The following DPP6 variants were observed in gnomAD, a reference collection of about 807,000 sequenced individuals.
The protein encoded by DPP6 is dipeptidyl peptidase like 6.
Under a neutral mutation model 122.6 loss-of-function variants are expected in DPP6, and 69 were observed. That is an observed-to-expected ratio of 0.56 (90% CI 0.46 to 0.69). The LOEUF is 0.69. DPP6 is among the 30% of genes least tolerant of loss of function. The probability of loss-of-function intolerance (pLI) is 0.00; values close to 1 mark genes in which losing one functional copy is unlikely to be tolerated. For missense variants in DPP6, 928 were observed against 1,116.9 expected (o/e 0.83, Z 2.41); for synonymous variants, 418 against 433.1 (o/e 0.97, Z 0.43).
At chr7:154,397,907 C>T (rs1477908152) in intron 1 of DPP6, among the ~76,000 whole-genome samples, 2 of 152,200 alleles carry the variant, frequency 1.3e-5, no homozygotes, top group East Asian at 1.9e-4. Flanking sequence ...CTTTCTAGGT[C>T]TTGGTGCCTT....
rs568450098 is a variant in DPP6 at position 154,304,538 on chromosome 7, C to T, written c.244-141676C>T. 5.3e-5 allele frequency among the ~76,000 whole-genome samples: 8 copies of T among 152,030 alleles called. No homozygotes were observed. In the East Asian group the frequency reaches 1.4e-3, roughly 26 times the overall value. ...GACACAGTGGGGAGCCCTCATGTTT[C>T]TGTAAGGTCATCACACAGGCTGGAA... is the stretch of plus-strand genomic sequence containing the variant. On this transcript the variant is annotated intron_variant, in intron 1 of 25. Transcript: ENST00000377770.
At chr7:154,532,827 G>A (rs1827951310) in intron 3 of DPP6, among the ~76,000 whole-genome samples, 1 of 151,664 alleles carries the variant, frequency 6.6e-6, no homozygotes, top group Non-Finnish European at 1.5e-5. Flanking sequence ...AAAAAATATG[G>A]CACCTTGGCA....
At chr7:154,253,205 G>A (rs115936195) in intron 1 of DPP6, among the ~76,000 whole-genome samples, 244 of 152,032 alleles carry the variant, frequency 1.6e-3, no homozygotes, top group African/African-American at 5.7e-3. Context: ...TTAGTTGACT[G>A]TGAAAAGAAA....
intron 1 of DPP6, among the ~76,000 whole-genome samples, chr7:153,963,621 A>G (rs1018086932): frequency 1.3e-4 from 20 of 152,004 alleles, no homozygotes; most frequent in African/African-American, 4.4e-4. Context: ...ATGACTGCCC[A>G]AGCCCCACCT....
the DPP6 span, among the ~76,000 whole-genome samples, chr7:153,780,976 T>A: frequency 9.6e-4 from 146 of 152,038 alleles, no homozygotes; most frequent in Non-Finnish European, 1.0e-3. Context: ...ATGAATTTTT[T>A]AAAAAAATGG....
At chr7:154,236,315 T>C (rs543719715) in intron 1 of DPP6, among the ~76,000 whole-genome samples, 20 of 152,346 alleles carry the variant, frequency 1.3e-4, no homozygotes, top group African/African-American at 4.8e-4. Flanking sequence ...TGCTTTTTAA[T>C]ATAAATAGGT....
chr7:154,341,374 C>T (rs985332876), intron 1 of DPP6, among the ~76,000 whole-genome samples: 5 of 152,182 alleles, frequency 3.3e-5, no homozygotes, highest in African/African-American at 1.2e-4. Context: ...CAGGGAAATA[C>T]ATAATTGTGA....
chr7:154,622,253 A>G (rs565659621), intron 5 of DPP6, among the ~76,000 whole-genome samples: 1 of 152,206 alleles, frequency 6.6e-6, no homozygotes, highest in South Asian at 2.1e-4. Context: ...ATGGCACTAC[A>G]TTTGCTACTG....
chr7:153,830,709 A>G, the DPP6 span, among the ~76,000 whole-genome samples: 1 of 152,214 alleles, frequency 6.6e-6, no homozygotes, highest in Non-Finnish European at 1.5e-5. Context: ...ATGGTCCATC[A>G]TGAGTAGAAT....
chr7:153,872,193 A>G, the DPP6 span, among the ~76,000 whole-genome samples: 1 of 152,206 alleles, frequency 6.6e-6, no homozygotes, highest in African/African-American at 2.4e-5. Context: ...AACTGGGTAC[A>G]TGTACAGAAT....
intron 1 of DPP6, among the ~76,000 whole-genome samples, chr7:154,063,455 C>T (rs1363350043): frequency 7.4e-6 from 1 of 135,826 alleles, no homozygotes; most frequent in East Asian, 2.2e-4. Flanking sequence ...GGAGGCACCT[C>T]CCGCGAGGCA....
intron 1 of DPP6, among the ~76,000 whole-genome samples, chr7:153,960,881 C>A (rs1795319914): frequency 1.3e-5 from 2 of 151,752 alleles, no homozygotes; most frequent in African/African-American, 4.8e-5. Flanking sequence ...CAGGAAAAAG[C>A]CCAGTGTTTC....
intron 10 of DPP6, among the ~76,000 whole-genome samples, chr7:154,776,236 A>ATAGATAG (rs1468612932): frequency 1.2e-4 from 5 of 40,694 alleles, no homozygotes; most frequent in Admixed American, 2.1e-4. Flanking sequence ...TAGATAGATA[A>ATAGATAG]ACAGATACAT....
chr7:153,762,208 C>T, the DPP6 span, among the ~76,000 whole-genome samples: 4 of 152,142 alleles, frequency 2.6e-5, no homozygotes, highest in Middle Eastern at 3.2e-3. Context: ...TTTGTAACCA[C>T]GGAGAATAGA....
chr7:153,868,649 C>T, the DPP6 span, among the ~76,000 whole-genome samples: 1 of 152,082 alleles, frequency 6.6e-6, no homozygotes, highest in Non-Finnish European at 1.5e-5. Flanking sequence ...GTCTCTATTT[C>T]CTTCAGTTCT....
intron 10 of DPP6, among the ~76,000 whole-genome samples, chr7:154,784,644 C>T (rs145311826): frequency 2.0e-5 from 3 of 152,164 alleles, no homozygotes; most frequent in African/African-American, 7.2e-5. Flanking sequence ...TTACCTGTTC[C>T]GAGTTTGTGA....
At chr7:154,653,787 T>C (rs1025997458) in intron 6 of DPP6, among the ~76,000 whole-genome samples, 7 of 152,314 alleles carry the variant, frequency 4.6e-5, no homozygotes, top group Middle Eastern at 3.4e-3. Context: ...TTCCCCGTCA[T>C]GTCTTCATTT....
chr7:154,210,398 G>A lies in DPP6; in HGVS notation c.243+157335G>A, dbSNP rs1051214848. Among the ~76,000 whole-genome samples, 2 of 152,178 alleles carry A rather than the reference G, an allele frequency of 1.3e-5. 1 individual carries two copies. Among genetic ancestry groups the A allele is most frequent in the Admixed American group, 1.3e-4 (2 of 15,284 alleles). On this transcript the variant is annotated intron_variant, in intron 1 of 25. Coordinates refer to ENST00000377770, the MANE Select transcript of DPP6 (RefSeq NM_130797.4). ...GTTGCTTGAACTCTGGGGCCAGGCT[G>A]CAGAATTGAGTGCCAGCTTTTCTTC... is the stretch of plus-strand genomic sequence containing the variant.
At chr7:154,509,797 G>A (rs148229299) in intron 3 of DPP6, among the ~76,000 whole-genome samples, 3 of 152,206 alleles carry the variant, frequency 2.0e-5, no homozygotes, top group East Asian at 1.9e-4. Flanking sequence ...TACATGCTAC[G>A]TACTGATTAA....
Sources: allele counts gnomAD v4.1 joint callset (sites outside exome capture counted in the v4.1 genomes callset), GRCh38; gene constraint gnomAD v4.1.1; transcripts MANE v1.5; gene names NCBI Gene and HGNC (gene_info 2026-07-23, HGNC 2026-07-21).